Variants in EYS observed in about 807,000 individuals in gnomAD.
EYS encodes the protein EGF-like photoreceptor maintenance factor, also known as protein eyes shut homolog.
A neutral mutation model predicts 282.1 loss-of-function variants in EYS; 250 were observed. That is an observed-to-expected ratio of 0.89 (90% CI 0.80 to 0.98). EYS has a LOEUF of 0.98. EYS is among the 50% of genes least tolerant of loss of function. The pLI is 0.00. For missense variants in EYS, 4,016 were observed against 3,709.0 expected (o/e 1.08, Z -2.15); for synonymous variants, 1,355 against 1,282.9 (o/e 1.06, Z -1.20).
intron 2 of EYS, among the ~76,000 whole-genome samples, chr6:65,597,754 AGCT>A (rs146429893): frequency 0.018 from 2,770 of 152,136 alleles, 84 homozygotes; most frequent in African/African-American, 0.063. Context: ...GTTCCTTGAA[AGCT>A]GGTATCTGTG....
chr6:64,134,566 G>A (rs777291515), intron 31 of EYS, among the ~76,000 whole-genome samples: 2 of 151,984 alleles, frequency 1.3e-5, no homozygotes, highest in Admixed American at 6.6e-5. Flanking sequence ...ATCTAAATTC[G>A]AACCTGACAG....
At chr6:64,701,595 CT>C (rs1229043797) in intron 22 of EYS, among the ~76,000 whole-genome samples, 2 of 151,996 alleles carry the variant, frequency 1.3e-5, no homozygotes, top group Non-Finnish European at 2.9e-5. Context: ...AGCAGAACAA[CT>C]TAGAAAATCA....
At chr6:64,718,249 C>A (rs1163981558) in intron 22 of EYS, among the ~76,000 whole-genome samples, 1 of 152,098 alleles carries the variant, frequency 6.6e-6, no homozygotes, top group Admixed American at 6.5e-5. Context: ...AGCACAAACA[C>A]CCCTCAAGTA....
intron 12 of EYS, among the ~76,000 whole-genome samples, chr6:65,169,792 T>C (rs1765061922): frequency 6.6e-6 from 1 of 151,504 alleles, no homozygotes; most frequent in African/African-American, 2.4e-5. Context: ...TACACTCTTC[T>C]TTCTAATATA....
intron 31 of EYS, among the ~76,000 whole-genome samples, chr6:64,085,436 T>C (rs1371932028): frequency 6.6e-6 from 1 of 152,056 alleles, no homozygotes; most frequent in South Asian, 2.1e-4. Context: ...TTCTAAGTGA[T>C]CCAGCTGTAG....
At chr6:65,522,230 T>G (rs1767400944) in intron 2 of EYS, among the ~76,000 whole-genome samples, 1 of 152,220 alleles carries the variant, frequency 6.6e-6, no homozygotes. Flanking sequence ...AATAAGATTC[T>G]ATATATTCTG....
intron 40 of EYS, among the ~76,000 whole-genome samples, chr6:63,768,783 G>A (rs1439189773): frequency 2.6e-5 from 4 of 151,942 alleles, no homozygotes; most frequent in Admixed American, 6.6e-5. Context: ...TATGTTAACC[G>A]CAGCACTATA....
At chr6:63,850,022 T>C (rs548347390) in intron 36 of EYS, among the ~76,000 whole-genome samples, 1 of 152,178 alleles carries the variant, frequency 6.6e-6, no homozygotes, top group South Asian at 2.1e-4. Flanking sequence ...AAGAACTTCA[T>C]GAAGCATACA....
intron 22 of EYS, among the ~76,000 whole-genome samples, chr6:64,748,842 G>A (rs1000473975): frequency 2.0e-5 from 3 of 152,106 alleles, no homozygotes; most frequent in Admixed American, 6.5e-5. Flanking sequence ...GCATGATCTC[G>A]GCTCACTGCA....
intron 30 of EYS, among the ~76,000 whole-genome samples, chr6:64,242,445 TG>T (rs561235190): frequency 4.6e-4 from 70 of 151,160 alleles, no homozygotes; most frequent in African/African-American, 1.0e-3. Flanking sequence ...AAGTTTTTTT[TG>T]TTGTTGTTGT....
chr6:65,125,555 C>A (rs1218011693), intron 12 of EYS, among the ~76,000 whole-genome samples: 2 of 152,158 alleles, frequency 1.3e-5, no homozygotes, highest in Non-Finnish European at 2.9e-5. Flanking sequence ...TCTATTATTT[C>A]TATTTTGAAT....
At chr6:65,541,259 T>G (rs1370273487) in intron 2 of EYS, among the ~76,000 whole-genome samples, 1 of 152,188 alleles carries the variant, frequency 6.6e-6, no homozygotes, top group Non-Finnish European at 1.5e-5. Flanking sequence ...TTGTAAGAGA[T>G]TCTGAGTTAA....
At chr6:64,237,117 A>T (rs1048264861) in intron 30 of EYS, among the ~76,000 whole-genome samples, 1 of 152,060 alleles carries the variant, frequency 6.6e-6, no homozygotes, top group African/African-American at 2.4e-5. Context: ...TCTTTATCAA[A>T]TTTTTTGCTG....
At chr6:63,862,728 A>G (rs990214657) in intron 36 of EYS, among the ~76,000 whole-genome samples, 21 of 152,356 alleles carry the variant, frequency 1.4e-4, no homozygotes, top group Non-Finnish European at 2.6e-4. Context: ...ACATCTGAAA[A>G]GCATGAGATT....
chr6:64,155,540 G>A (rs1172022151), intron 31 of EYS, among the ~76,000 whole-genome samples: 3 of 152,058 alleles, frequency 2.0e-5, no homozygotes, highest in African/African-American at 7.2e-5. Flanking sequence ...TCAATAGAAA[G>A]GCTGAGCTTC....
chr6:65,540,067 A>G (rs1030018536), intron 2 of EYS, among the ~76,000 whole-genome samples: 14 of 152,222 alleles, frequency 9.2e-5, no homozygotes, highest in African/African-American at 3.4e-4. Context: ...CACACTAAAC[A>G]CTTACATTTG....
At chr6:65,380,844 G>A (rs1041959600) in intron 8 of EYS, among the ~76,000 whole-genome samples, 2 of 152,074 alleles carry the variant, frequency 1.3e-5, no homozygotes, top group African/African-American at 4.8e-5. Context: ...AGTCATTTAT[G>A]CAGCCAGCAA....
At chr6:64,951,318 A>G (rs1389666972) in intron 14 of EYS, among the ~76,000 whole-genome samples, 1 of 152,006 alleles carries the variant, frequency 6.6e-6, no homozygotes, top group Non-Finnish European at 1.5e-5. Flanking sequence ...CAGCAAAAAA[A>G]CAAAAACAAA....
intron 31 of EYS, among the ~76,000 whole-genome samples, chr6:64,225,039 G>GC (rs1562261241): frequency 6.6e-6 from 1 of 152,048 alleles, no homozygotes; most frequent in East Asian, 1.9e-4. Flanking sequence ...TGAATCTTGA[G>GC]CAAGTGGCTC....
Sources: allele counts gnomAD v4.1 joint callset (sites outside exome capture counted in the v4.1 genomes callset), GRCh38; gene constraint gnomAD v4.1.1; transcripts MANE v1.5; gene names NCBI Gene and HGNC (gene_info 2026-07-23, HGNC 2026-07-21).